The following GLDC variants were observed in gnomAD, a reference collection of about 807,000 sequenced individuals.
GLDC encodes the protein glycine decarboxylase.
A neutral mutation model predicts 121.3 loss-of-function variants in GLDC; 104 were observed. The ratio of observed to expected loss-of-function variants is 0.86; its 90% CI spans 0.73 to 1.01. The LOEUF (loss-of-function observed/expected upper bound fraction) is 1.01. Among genes scored for constraint, GLDC ranks in the 50% least tolerant of loss-of-function variants. The probability of loss-of-function intolerance (pLI) is 0.00; values close to 1 mark genes in which losing one functional copy is unlikely to be tolerated. For missense variants in GLDC, 1,429 were observed against 1,306.6 expected, an observed-to-expected ratio of 1.09 and a Z score of -1.44; for synonymous variants, 546 against 480.6, an observed-to-expected ratio of 1.14 and a Z score of -1.78.
chr9:6,544,857 T>C (rs1817353553), intron 21 of GLDC, among the ~76,000 whole-genome samples: 1 of 152,086 alleles, frequency 6.6e-6, no homozygotes, highest in Non-Finnish European at 1.5e-5. Flanking sequence ...CCCAGCACTT[T>C]GGGAGGCCAA....
At chr9:6,640,921 A>C (rs766087892) in intron 2 of GLDC, among the ~76,000 whole-genome samples, 3 of 152,254 alleles carry the variant, frequency 2.0e-5, no homozygotes, top group Non-Finnish European at 4.4e-5. Flanking sequence ...CCATTCAGAG[A>C]AATCAGTGTT....
chr9:6,545,995 T>TGTAATA (rs1817380330), intron 21 of GLDC, among the ~76,000 whole-genome samples: 1 of 152,246 alleles, frequency 6.6e-6, no homozygotes, highest in Non-Finnish European at 1.5e-5. Flanking sequence ...CTGACTCTTT[T>TGTAATA]GTAATAACAC....
In GLDC at chr9:6,579,543, T is replaced by C. The variant is rs369486543; in HGVS notation, c.1850+7598A>G. On this transcript the variant is annotated intron_variant, in intron 15 of 24. Coordinates refer to ENST00000321612, the MANE Select transcript of GLDC (RefSeq NM_000170.3). ...TTTGATAATTTTATTATTTTTTTTG[T>C]AGATGGGGTCTTACTATGTCACCCA... Among the ~76,000 whole-genome samples the C allele has an allele frequency of 5.5e-3, 828 of 151,424 alleles. 8 individuals carry two copies. The highest frequency in any genetic ancestry group is 0.019 in the African/African-American group (782 of 41,202).
At chr9:6,539,715 C>G (rs1005107205) in intron 22 of GLDC, among the ~76,000 whole-genome samples, 5 of 152,174 alleles carry the variant, frequency 3.3e-5, no homozygotes, top group African/African-American at 9.7e-5. Context: ...CTATAAAACT[C>G]CAATGCCATT....
intron 2 of GLDC, among the ~76,000 whole-genome samples, chr9:6,635,220 A>C (rs970054728): frequency 1.3e-5 from 2 of 152,190 alleles, no homozygotes; most frequent in African/African-American, 4.8e-5. Flanking sequence ...ACTTTTGTAC[A>C]CCAAGTGCCT....
chr9:6,627,653 C>G (rs1163184188), intron 2 of GLDC, among the ~76,000 whole-genome samples: 1 of 152,172 alleles, frequency 6.6e-6, no homozygotes, highest in East Asian at 1.9e-4. Flanking sequence ...ACGCTTCTTT[C>G]CATTCACTCA....
intron 17 of GLDC, among the ~76,000 whole-genome samples, chr9:6,556,555 G>C (rs543007892): frequency 1.3e-5 from 2 of 152,276 alleles, no homozygotes; most frequent in African/African-American, 4.8e-5. Context: ...CACTCTGGGA[G>C]GCCGAGGCGG....
chr9:6,644,980 T>C (rs1819710772), intron 1 of GLDC: 1 of 609,342 alleles, frequency 1.6e-6, no homozygotes, highest in East Asian at 2.7e-5. Context: ...TTTAGGTCCA[T>C]CCACAGGGCC....
At chr9:6,629,958 T>TA in intron 2 of GLDC, among the ~76,000 whole-genome samples, 1,627 of 78,486 alleles carry the variant, frequency 0.021, 165 homozygotes, top group Middle Eastern at 0.062. Flanking sequence ...TATATATATA[T>TA]TTTTTTTTTT....
intron 7 of GLDC, among the ~76,000 whole-genome samples, chr9:6,603,532 A>AAAAT (rs147469940): frequency 4.1e-4 from 59 of 142,472 alleles, no homozygotes; most frequent in Admixed American, 1.0e-3. Context: ...ACTTGGTCTC[A>AAAAT]AAATAAATAA....
At chr9:6,574,831 T>C (rs1479170168) in intron 15 of GLDC, among the ~76,000 whole-genome samples, 1 of 151,934 alleles carries the variant, frequency 6.6e-6, no homozygotes, top group African/African-American at 2.4e-5. Flanking sequence ...TTACCAGAAA[T>C]GATCAGTGAT....
chr9:6,545,478 C>G (rs1222236884), intron 21 of GLDC, among the ~76,000 whole-genome samples: 1 of 152,092 alleles, frequency 6.6e-6, no homozygotes, highest in Non-Finnish European at 1.5e-5. Flanking sequence ...GCTTGCAGGG[C>G]TGAAGTTGCT....
chr9:6,552,929 G>C (rs943335740), intron 20 of GLDC, among the ~76,000 whole-genome samples: 7 of 150,942 alleles, frequency 4.6e-5, no homozygotes, highest in Middle Eastern at 3.2e-3. Flanking sequence ...TTCTCCTCTG[G>C]CCCCCCCCAA....
At chr9:6,573,914 C>T (rs1331762753) in intron 15 of GLDC, among the ~76,000 whole-genome samples, 1 of 152,158 alleles carries the variant, frequency 6.6e-6, no homozygotes, top group Non-Finnish European at 1.5e-5. Flanking sequence ...ACCTTGCAAA[C>T]GGTATGATTT....
At chr9:6,620,920 C>A (rs1490886381) in intron 2 of GLDC, among the ~76,000 whole-genome samples, 2 of 152,192 alleles carry the variant, frequency 1.3e-5, no homozygotes, top group East Asian at 3.8e-4. Flanking sequence ...GCAATCCCAG[C>A]ACTTTGAGAG....
intron 3 of GLDC, among the ~76,000 whole-genome samples, chr9:6,611,449 A>G (rs531431237): frequency 3.3e-4 from 50 of 152,156 alleles, no homozygotes; most frequent in East Asian, 1.5e-3. Context: ...CCAGCTACTC[A>G]GGAGGCTGAG....
intron 10 of GLDC, 125 bp from the exon 11 acceptor site, chr9:6,592,348 C>A: frequency 1.4e-6 from 1 of 721,402 alleles, no homozygotes; most frequent in Non-Finnish European, 2.5e-6. Flanking sequence ...TATCAGGGTA[C>A]AATTATCTCC....
rs550331705 is a variant in GLDC, at chr9:6,568,662, A to T, written c.1851-3233T>A. ...CAGGAGTTCGAGACCAGCCTGGCCA[A>T]CATGGTGAAACCCCATTTCTACTAA... On this transcript the variant is annotated intron_variant, in intron 15 of 24. Transcript: ENST00000321612. Among the ~76,000 whole-genome samples, 31 of 152,012 alleles carry T rather than the reference A, an allele frequency of 2.0e-4. No homozygotes were observed. In the South Asian group the frequency reaches 5.4e-3, roughly 27 times the overall value.
chr9:6,615,718 C>G (rs1006232647), intron 3 of GLDC, among the ~76,000 whole-genome samples: 1 of 151,906 alleles, frequency 6.6e-6, no homozygotes. Flanking sequence ...TCAAGTGATT[C>G]TCCTGCTTCA....
Sources: allele counts gnomAD v4.1 joint callset (sites outside exome capture counted in the v4.1 genomes callset), GRCh38; gene constraint gnomAD v4.1.1; transcripts MANE v1.5; gene names NCBI Gene and HGNC (gene_info 2026-07-23, HGNC 2026-07-21).